POLR1A: variants seen among roughly 807,000 people sequenced by gnomAD.
POLR1A encodes the protein RNA polymerase I subunit A, also known as DNA-directed RNA polymerase I subunit RPA1.
POLR1A carries 84 observed loss-of-function variants against 205.3 expected under a neutral mutation model. The ratio of observed to expected loss-of-function variants is 0.41; its 90% CI spans 0.34 to 0.49. The LOEUF (loss-of-function observed/expected upper bound fraction) is 0.49, where lower values mean the gene tolerates loss of function less well. Among genes scored for constraint, POLR1A ranks in the 20% least tolerant of loss-of-function variants. The pLI, the probability that POLR1A is intolerant of heterozygous loss-of-function variation, is 0.22. For missense variants in POLR1A, 1,645 were observed against 2,204.5 expected, an observed-to-expected ratio of 0.75 and a Z score of 5.08; for synonymous variants, 799 against 863.7, an observed-to-expected ratio of 0.93 and a Z score of 1.31.
intron 12 of POLR1A, among the ~76,000 whole-genome samples, chr2:86,073,642 G>A (rs1673220054): frequency 6.6e-6 from 1 of 152,110 alleles, no homozygotes; most frequent in Non-Finnish European, 1.5e-5. Flanking sequence ...TGTTCCCTAT[G>A]GTGTCTACCA....
At chr2:86,104,483 C>A (rs1270969564) in intron 1 of POLR1A, among the ~76,000 whole-genome samples, 1 of 138,214 alleles carries the variant, frequency 7.2e-6, no homozygotes, top group Non-Finnish European at 1.5e-5. Context: ...GAGTATTGCT[C>A]TGTCGCCAGG....
At position 86,025,301 on chromosome 2, in the gene POLR1A, A is replaced by G. The variant is rs756648695; in HGVS notation, c.*2122T>C. 11 of 152,220 alleles carry G rather than the reference A, an allele frequency of 7.2e-5. No individual in the cohort carries two copies. The highest frequency in any genetic ancestry group is 1.4e-4 in the African/African-American group (6 of 41,452). 9.4% of individuals were successfully genotyped at this position (152,220 alleles called of 1,614,324 possible). ...TTTCCAAAACTCAAATGCATCCTCA[A>G]TGGGCACTTACAGTCCTAAGAAGAC... On this transcript the variant is annotated 3_prime_UTR_variant, in exon 34 of 34. Transcript: ENST00000263857.
chr2:86,065,633 C>T, intron 13 of POLR1A, 168 bp from the exon 14 acceptor site: 1 of 619,616 alleles, frequency 1.6e-6, no homozygotes, highest in South Asian at 2.0e-5. Flanking sequence ...CAACTGCTTC[C>T]CAAAGCACAT....
At chr2:86,030,150 G>C (rs772083630) in intron 31 of POLR1A, 46 bp downstream of exon 31, 1 of 1,497,040 alleles carries the variant, frequency 6.7e-7, no homozygotes. Context: ...ACAACGTGGG[G>C]TGAGGACTAA....
intron 14 of POLR1A, among the ~76,000 whole-genome samples, chr2:86,063,358 A>G (rs1457519275): frequency 5.3e-5 from 8 of 149,554 alleles, no homozygotes; most frequent in Non-Finnish European, 1.2e-4. Flanking sequence ...AAAAAAAAAA[A>G]AAAAGAAAGA....
chr2:86,083,096 A>G lies in POLR1A; in HGVS notation c.803T>C (p.Leu268Pro). The G allele has an allele frequency of 1.2e-6, 2 of 1,613,308 alleles. No individual in the cohort carries two copies. Among genetic ancestry groups the G allele is most frequent in the Non-Finnish European group, 1.7e-6 (2 of 1,179,192 alleles). The change falls in exon 7 of 34, where the codon CTG becomes CCG. Residue 268 changes from leucine to proline, a missense_variant. This residue lies in a region of POLR1A where 330 missense variants were observed against 375.6 expected (regional missense o/e 0.88). Transcript: ENST00000263857. ...TGATACAGCACCTTCATTCTTCCACAGGGCAGAAAGGTGTTCGCGGGCACT... is the reference window on the plus strand; with the variant it reads ...TGATACAGCACCTTCATTCTTCCACGGGGCAGAAAGGTGTTCGCGGGCACT... Reference protein sequence around the residue: ...PTSAREHLSALWKNEGFFLNY... With the variant: ...PTSAREHLSAPWKNEGFFLNY...
chr2:86,053,337 G>A (rs1020884084), intron 15 of POLR1A, among the ~76,000 whole-genome samples: 33 of 151,878 alleles, frequency 2.2e-4, no homozygotes, highest in African/African-American at 7.7e-4. Context: ...GCTGACTTGA[G>A]GTCAAGTATC....
chr2:86,095,477 C>G (rs926667027), intron 3 of POLR1A, among the ~76,000 whole-genome samples: 2 of 152,150 alleles, frequency 1.3e-5, no homozygotes, highest in Non-Finnish European at 2.9e-5. Context: ...TGCCACGTTG[C>G]TTCAAAAATA....
intron 23 of POLR1A, 106 bp downstream of exon 23, chr2:86,042,868 T>A (rs1038241760): frequency 3.7e-6 from 3 of 806,580 alleles, no homozygotes; most frequent in African/African-American, 3.4e-5. Context: ...TGAACAAAGC[T>A]GGAGTTCATG....
Position 86,088,816 on chromosome 2 carries a change from G to A in POLR1A, c.595C>T (p.His199Tyr). ...SKLIALFWKA[H>Y]MNAKRCPHCK... The stretch of plus-strand genomic sequence containing the variant: ...TGGGGACAGCGCTTAGCATTCATAT[G>A]TGCCTTCCAGAAGAGAGCAATGAGC... The change falls in exon 5 of 34, where the codon CAT (histidine) becomes TAT (tyrosine). Residue 199 changes from histidine (H) to tyrosine (Y), a missense_variant. Physicochemically the swap from His to Tyr is moderately conservative, Grantham distance 83 (BLOSUM62 2). Coordinates refer to ENST00000263857, the MANE Select transcript of POLR1A (RefSeq NM_015425.6). 2 of 1,614,000 alleles carry A rather than the reference G, an allele frequency of 1.2e-6. No individual in the cohort carries two copies. The highest frequency in any genetic ancestry group is 1.1e-5 in the South Asian group (1 of 91,076).
chr2:86,105,530 C>T (rs573184195), intron 1 of POLR1A, among the ~76,000 whole-genome samples, 170 bp downstream of exon 1: 1 of 152,268 alleles, frequency 6.6e-6, no homozygotes, highest in East Asian at 1.9e-4. Context: ...CTTATCCAGG[C>T]AGTCCACGCC....
chr2:86,043,537 G>C (rs1026480342), intron 22 of POLR1A, among the ~76,000 whole-genome samples: 1 of 152,172 alleles, frequency 6.6e-6, no homozygotes, highest in Admixed American at 6.5e-5. Flanking sequence ...ATAGGAACCA[G>C]GATGGAAAGG....
In POLR1A at chr2:86,020,575, C is replaced by G. The variant is rs1421764535; in HGVS notation, c.*6848G>C. The G allele has an allele frequency of 6.8e-6, 1 of 147,256 alleles. No individual in the cohort carries two copies. The highest frequency in any genetic ancestry group is 2.6e-5 in the African/African-American group (1 of 38,700). 9.1% of individuals were successfully genotyped at this position (147,256 alleles called of 1,614,324 possible). ...AAAAAAAAAAAAAAAAAAAAAGATG[C>G]CACTGCTTCATCTATCAGAATGGCT... On this transcript the variant is annotated 3_prime_UTR_variant, in exon 34 of 34. Coordinates refer to ENST00000263857, the MANE Select transcript of POLR1A (RefSeq NM_015425.6).
intron 31 of POLR1A, among the ~76,000 whole-genome samples, chr2:86,029,087 T>C (rs1012454334): frequency 6.6e-6 from 1 of 152,188 alleles, no homozygotes; most frequent in Non-Finnish European, 1.5e-5. Context: ...TACACACCCC[T>C]CCAGGGTGCA....
In POLR1A at chr2:86,088,947, C is replaced by T. The variant is rs1573832865; in HGVS notation, c.541-77G>A. 26 of 1,103,232 alleles carry T rather than the reference C, an allele frequency of 2.4e-5. No homozygotes were observed. The East Asian group carries it at 6.0e-4, about 26-fold the overall frequency. The allele number at this position is 1,103,232 out of a possible 1,614,324, so 68.3% of individuals were successfully genotyped here. On this transcript the variant is annotated intron_variant, in intron 4 of 33. Coordinates refer to ENST00000263857, the MANE Select transcript of POLR1A (RefSeq NM_015425.6). ...TCCAATATATTTACTTTATGGTTTT[C>T]ACCTTTTATTTTTAACCAGCGGAAA...
chr2:86,027,866 C>T lies in POLR1A; in HGVS notation c.5062+19G>A. 1 of 1,613,702 alleles carries T rather than the reference C, an allele frequency of 6.2e-7. No individual in the cohort carries two copies. The highest frequency in any genetic ancestry group is 8.5e-7 in the Non-Finnish European group (1 of 1,179,676). On this transcript the variant is annotated intron_variant, in intron 33 of 33. Transcript: ENST00000263857. Reference sequence around the variant, plus strand: ...GTCGTCAGTAGAGGGGAGGCCAGGGCTCCTGCCCACGCACTAACCCAGCAT... The same window carrying T: ...GTCGTCAGTAGAGGGGAGGCCAGGGTTCCTGCCCACGCACTAACCCAGCAT...
rs201668774 is a variant in POLR1A, at chr2:86,080,396, C to T, written c.1086+420G>A. On this transcript the variant is annotated intron_variant, in intron 9 of 33. Transcript: ENST00000263857. The stretch of plus-strand genomic sequence containing the variant: ...ATTAACGTGTCCAAAATAGAGCTGG[C>T]AACATGAGCTCTAGTACTGTGACCC... Among the ~76,000 whole-genome samples the T allele has an allele frequency of 2.6e-5, 4 of 152,270 alleles. No individual in the cohort carries two copies. The East Asian group carries it at 5.8e-4, about 22-fold the overall frequency.
Position 86,045,670 on chromosome 2 carries a change from G to C in POLR1A, c.2833C>G (p.Pro945Ala). ...CCAGTGACAAAGCCACCAGCCCTGG[G>C]GGTGAACTCATAAGGCTCAAAGCAG... ...LPCFEPYEFT[P>A]RAGGFVTGRF... The change falls in exon 20 of 34, where the codon CCC (proline) becomes GCC (alanine). Residue 945 changes from proline (P) to alanine (A), a missense_variant. Pro to Ala is a conservative substitution (Grantham distance 27). Coordinates refer to ENST00000263857, the MANE Select transcript of POLR1A (RefSeq NM_015425.6). 1 of 1,613,764 alleles carries C rather than the reference G, an allele frequency of 6.2e-7. No homozygotes were observed. The highest frequency in any genetic ancestry group is 8.5e-7 in the Non-Finnish European group (1 of 1,179,904).
In POLR1A at chr2:86,070,185, G is replaced by A; in HGVS notation, c.1699C>T (p.Arg567Cys). ...HRPSIQAHRA[R>C]ILPEEKVLRL... ...AGCACTTTCTCTTCAGGCAGGATGC[G>A]GGCACGGTGGGCCTGGATGGAGGGT... The change falls in exon 13 of 34, where the codon CGC becomes TGC. Residue 567 changes from arginine to cysteine, a missense_variant. Physicochemically the swap from Arg to Cys is radical, Grantham distance 180 (BLOSUM62 -3). Transcript: ENST00000263857. This position sits in a 1 kb window ranked among gnomAD's most constrained non-coding sequence, Gnocchi z 4.4. The A allele has an allele frequency of 3.7e-6, 6 of 1,614,196 alleles. No homozygotes were observed. The highest frequency in any genetic ancestry group is 1.1e-5 in the South Asian group (1 of 91,082).
Sources: gnomAD v4.1 joint callset for allele counts (sites outside exome capture counted in the v4.1 genomes callset) on GRCh38, gnomAD v4.1.1 for gene constraint, gnomAD v4.1.1 regional missense constraint, Gnocchi (gnomAD v3.1) non-coding constraint, MANE v1.5 for transcripts, NCBI Gene and HGNC (gene_info 2026-07-23, HGNC 2026-07-21) for gene names.